GABRA4: variants seen among roughly 807,000 people sequenced by gnomAD.
The protein encoded by GABRA4 is gamma-aminobutyric acid receptor subunit alpha-4.
A neutral mutation model predicts 49.7 loss-of-function variants in GABRA4; 12 were observed. The observed-to-expected ratio is 0.24, with a 90% CI of 0.15 to 0.39. GABRA4 has a LOEUF of 0.39. Ranked by LOEUF, GABRA4 falls within the 10% of genes least tolerant of loss-of-function variation. GABRA4 has a pLI of 1.00. For missense variants in GABRA4, 506 were observed against 686.0 expected (o/e 0.74, Z 2.93); for synonymous variants, 288 against 240.2 (o/e 1.20, Z -1.84).
At chr4:46,961,527 G>A (rs558523584) in intron 8 of GABRA4, among the ~76,000 whole-genome samples, 26 of 151,856 alleles carry the variant, frequency 1.7e-4, no homozygotes, top group Middle Eastern at 6.8e-3. Context: ...GTACACTATC[G>A]GCTCACAGAT....
At chr4:46,933,694 G>T in intron 8 of GABRA4, among the ~76,000 whole-genome samples, 1 of 152,164 alleles carries the variant, frequency 6.6e-6, no homozygotes, top group Non-Finnish European at 1.5e-5. Flanking sequence ...ACATTTTGGT[G>T]CAACTAATGT....
chr4:46,929,157 T>G (rs1316096681), intron 8 of GABRA4, among the ~76,000 whole-genome samples: 3 of 151,948 alleles, frequency 2.0e-5, no homozygotes, highest in Non-Finnish European at 4.4e-5. Flanking sequence ...CAAAGTTTTC[T>G]ATGTGTTTGT....
chr4:46,945,749 G>A (rs776574325), intron 8 of GABRA4, among the ~76,000 whole-genome samples: 1 of 152,050 alleles, frequency 6.6e-6, no homozygotes. Flanking sequence ...CAGGCATATA[G>A]CTTCCACTCT....
intron 8 of GABRA4, among the ~76,000 whole-genome samples, chr4:46,955,608 A>G (rs1006775400): frequency 1.3e-5 from 2 of 152,072 alleles, no homozygotes; most frequent in African/African-American, 4.8e-5. Context: ...TTGAATGACT[A>G]TCATTCCTAC....
chr4:46,966,537 G>A (rs1722758986), intron 7 of GABRA4, among the ~76,000 whole-genome samples: 1 of 151,664 alleles, frequency 6.6e-6, no homozygotes, highest in African/African-American at 2.4e-5. Flanking sequence ...CATTTCCACA[G>A]CTTTATTAAC....
In GABRA4 at chr4:46,992,950, C is replaced by T. The variant is rs1275558856; in HGVS notation, c.87-4G>A. ...CTGTCCTGGGGATTCGTTTAAACTG[C>T]AAGCGAAAAAAAAAAAACCGGGGGC... On this transcript the variant is annotated splice_region_variant and splice_polypyrimidine_tract_variant and intron_variant, in intron 1 of 8. Transcript: ENST00000264318. 2 of 1,439,524 alleles carry T rather than the reference C, an allele frequency of 1.4e-6. No individual in the cohort carries two copies. The highest frequency in any genetic ancestry group is 1.9e-6 in the Non-Finnish European group (2 of 1,052,314). The allele number at this position is 1,439,524 out of a possible 1,614,324, so 89.2% of individuals were successfully genotyped here.
rs1278240121 is a variant in GABRA4, at chr4:46,926,851, C to T, written c.*1374G>A. ...ATCACATAGCAGAGTCAGTGGCATC[C>T]TACCCGACAGCTATTTTTTTCTTTA... On this transcript the variant is annotated 3_prime_UTR_variant, in exon 9 of 9. Coordinates refer to ENST00000264318, the MANE Select transcript of GABRA4 (RefSeq NM_000809.4). 6.6e-6 allele frequency: 1 copy of T among 151,888 alleles called. No individual in the cohort carries two copies. The highest frequency in any genetic ancestry group is 1.5e-5 in the Non-Finnish European group (1 of 67,888). 9.4% of individuals were successfully genotyped at this position (151,888 alleles called of 1,614,324 possible). A position where few individuals can be genotyped will look rare whatever the true frequency, so the allele number is the denominator to read the frequency against.
chr4:46,931,467 T>A (rs1721434810), intron 8 of GABRA4, among the ~76,000 whole-genome samples: 1 of 152,208 alleles, frequency 6.6e-6, no homozygotes, highest in East Asian at 1.9e-4. Context: ...TTCTGGAATG[T>A]CCTGAAATCT....
intron 2 of GABRA4, among the ~76,000 whole-genome samples, chr4:46,983,224 G>C (rs1226059088): frequency 6.6e-6 from 1 of 151,940 alleles, no homozygotes; most frequent in Non-Finnish European, 1.5e-5. Flanking sequence ...AATTACTTAA[G>C]CAAATGTGGA....
At chr4:46,985,678 A>G (rs1044878532) in intron 2 of GABRA4, among the ~76,000 whole-genome samples, 1 of 152,080 alleles carries the variant, frequency 6.6e-6, no homozygotes, top group Non-Finnish European at 1.5e-5. Context: ...CTAATATCCC[A>G]TAATCTAGAT....
At position 46,919,472 on chromosome 4, in the gene GABRA4, C is replaced by T. The variant is rs1297386272; in HGVS notation, c.*8753G>A. On this transcript the variant is annotated 3_prime_UTR_variant, in exon 9 of 9. Transcript: ENST00000264318. ...CATAAAATCAAAACACCTCTATCTCCTATCAAACCTTGAACTGTTATAAAT... is the reference window on the plus strand; with the variant it reads ...CATAAAATCAAAACACCTCTATCTCTTATCAAACCTTGAACTGTTATAAAT... The T allele has an allele frequency of 6.6e-6, 1 of 151,440 alleles. No homozygotes were observed. The highest frequency in any genetic ancestry group is 6.6e-5 in the Admixed American group (1 of 15,178). The allele number at this position is 151,440 out of a possible 1,614,324, so 9.4% of individuals were successfully genotyped here. A position where few individuals can be genotyped will look rare whatever the true frequency, so the allele number is the denominator to read the frequency against.
intron 8 of GABRA4, among the ~76,000 whole-genome samples, chr4:46,962,306 T>C (rs2109371520): frequency 6.6e-6 from 1 of 151,946 alleles, no homozygotes; most frequent in South Asian, 2.1e-4. Context: ...CATTTTTGTA[T>C]GTCAATAGTT....
chr4:46,932,933 A>T (rs1030617818), intron 8 of GABRA4, among the ~76,000 whole-genome samples: 1 of 152,146 alleles, frequency 6.6e-6, no homozygotes, highest in African/African-American at 2.4e-5. Flanking sequence ...CTATATTCTG[A>T]TGATATCTAC....
chr4:46,974,426 C>A lies in GABRA4; in HGVS notation c.578-51G>T, dbSNP rs775729563. The stretch of plus-strand genomic sequence containing the variant: ...AGAGTCAATGCTCCTTTTTCATCCA[C>A]ATCAGTGGTCAACACTTAAAAACAG... On this transcript the variant is annotated intron_variant, in intron 5 of 8. Transcript: ENST00000264318. 3.3e-6 allele frequency: 5 copies of A among 1,531,308 alleles called. No individual in the cohort carries two copies. The African/African-American group carries it at 4.1e-5, about 13-fold the overall frequency. The allele number at this position is 1,531,308 out of a possible 1,614,324, so 94.9% of individuals were successfully genotyped here. A position where few individuals can be genotyped will look rare whatever the true frequency, so the allele number is the denominator to read the frequency against.
In GABRA4 at chr4:46,919,555, CA is replaced by C. The variant is rs1720896829; in HGVS notation, c.*8669del. 6.6e-6 allele frequency: 1 copy of C among 151,430 alleles called. No homozygotes were observed. Among genetic ancestry groups the C allele is most frequent in the African/African-American group, 2.4e-5 (1 of 41,358 alleles). 9.4% of individuals were successfully genotyped at this position (151,430 alleles called of 1,614,324 possible). A position where few individuals can be genotyped will look rare whatever the true frequency, so the allele number is the denominator to read the frequency against. ...AAGAATATTGAAGCTCAGATGATAA[CA>C]AATTTAGTTTTTATGATATGAGGAA... On this transcript the variant is annotated 3_prime_UTR_variant, in exon 9 of 9. Coordinates refer to ENST00000264318, the MANE Select transcript of GABRA4 (RefSeq NM_000809.4).
At chr4:46,983,201 A>C (rs1183802608) in intron 2 of GABRA4, among the ~76,000 whole-genome samples, 1 of 152,132 alleles carries the variant, frequency 6.6e-6, no homozygotes, top group Admixed American at 6.6e-5. Context: ...TATATCACCA[A>C]TAATAAATTA....
At chr4:46,951,540 C>A (rs987672651) in intron 8 of GABRA4, among the ~76,000 whole-genome samples, 3 of 151,808 alleles carry the variant, frequency 2.0e-5, no homozygotes, top group Non-Finnish European at 4.4e-5. Context: ...TGACTTTCTG[C>A]TTTTTGAATA....
At chr4:46,975,391 C>G (rs1420849601) in intron 5 of GABRA4, among the ~76,000 whole-genome samples, 1 of 151,942 alleles carries the variant, frequency 6.6e-6, no homozygotes, top group Admixed American at 6.6e-5. Flanking sequence ...CTGTTACAGC[C>G]TCTGTATACT....
chr4:46,926,876 A>G lies in GABRA4; in HGVS notation c.*1349T>C, dbSNP rs1318732416. 1 of 151,674 alleles carries G rather than the reference A, an allele frequency of 6.6e-6. No individual in the cohort carries two copies. Among genetic ancestry groups the G allele is most frequent in the Non-Finnish European group, 1.5e-5 (1 of 67,838 alleles). 9.4% of individuals were successfully genotyped at this position (151,674 alleles called of 1,614,324 possible). A position where few individuals can be genotyped will look rare whatever the true frequency, so the allele number is the denominator to read the frequency against. ...CTACCCGACAGCTATTTTTTTCTTT[A>G]CTCCTTTCATTTGCTGCTCTCTTAA... On this transcript the variant is annotated 3_prime_UTR_variant, in exon 9 of 9. Coordinates refer to ENST00000264318, the MANE Select transcript of GABRA4 (RefSeq NM_000809.4).
Sources: allele counts gnomAD v4.1 joint callset (sites outside exome capture counted in the v4.1 genomes callset), GRCh38; gene constraint gnomAD v4.1.1; transcripts MANE v1.5; gene names NCBI Gene and HGNC (gene_info 2026-07-23, HGNC 2026-07-21).